NT5E: variants seen among roughly 807,000 people sequenced by gnomAD.
The protein encoded by NT5E is 5'-nucleotidase ecto.
In NT5E, 53 loss-of-function variants were observed where a neutral mutation model predicts 55.1. The ratio of observed to expected loss-of-function variants is 0.96; its 90% confidence interval spans 0.77 to 1.21. The LOEUF is 1.21. Ranked by LOEUF, NT5E falls within the 50% of genes most tolerant of loss-of-function variation. The pLI, the probability that NT5E is intolerant of heterozygous loss-of-function variation, is 0.00. For synonymous variants in NT5E, 270 were observed against 278.4 expected (o/e 0.97, Z 0.30); for missense variants, 683 against 724.3 (o/e 0.94, Z 0.65).
In NT5E at chr6:85,490,664, C is replaced by T; in HGVS notation, c.1360+7C>T. The T allele has an allele frequency of 1.9e-6, 3 of 1,613,720 alleles. No individual in the cohort carries two copies. Among genetic ancestry groups the T allele is most frequent in the Non-Finnish European group, 2.5e-6 (3 of 1,180,002 alleles). Reference sequence around the variant, plus strand: ...GAGTTCCTGCAGGTGGGCGGTAAGTCACCCATCCTGTAGGGCTGGCCCATC... The same window carrying T: ...GAGTTCCTGCAGGTGGGCGGTAAGTTACCCATCCTGTAGGGCTGGCCCATC... On this transcript the variant is annotated splice_region_variant and intron_variant, in intron 7 of 8. Coordinates refer to ENST00000257770, the MANE Select transcript of NT5E (RefSeq NM_002526.4).
In NT5E at chr6:85,480,291, C is replaced by T. The variant is rs562026820; in HGVS notation, c.752-4944C>T. On this transcript the variant is annotated intron_variant, in intron 3 of 8. Transcript: ENST00000257770. The stretch of plus-strand genomic sequence containing the variant: ...AATCTCTTTAGACTTCCTGGGTCAT[C>T]ACTGAAAGGCCAGAGGCAAGAATTT... 5.3e-5 allele frequency among the ~76,000 whole-genome samples: 8 copies of T among 152,310 alleles called. No homozygotes were observed. In the East Asian group the frequency reaches 1.3e-3, roughly 26 times the overall value.
intron 2 of NT5E, among the ~76,000 whole-genome samples, chr6:85,470,131 C>T (rs1215108577): frequency 1.3e-5 from 2 of 152,140 alleles, no homozygotes; most frequent in African/African-American, 4.8e-5. Context: ...CACAGAGTAC[C>T]AGACATGACT....
chr6:85,462,215 A>C (rs972197759), intron 1 of NT5E, among the ~76,000 whole-genome samples: 1 of 150,950 alleles, frequency 6.6e-6, no homozygotes, highest in Non-Finnish European at 1.5e-5. Flanking sequence ...GGCTCACACA[A>C]CTCCCATCCA....
intron 3 of NT5E, among the ~76,000 whole-genome samples, chr6:85,483,362 A>G (rs767414183): frequency 1.3e-5 from 2 of 152,236 alleles, no homozygotes; most frequent in Non-Finnish European, 2.9e-5. Context: ...CCCCTGAAAT[A>G]AAAACCAGGC....
At chr6:85,454,117 G>A (rs1768944464) in intron 1 of NT5E, among the ~76,000 whole-genome samples, 1 of 152,138 alleles carries the variant, frequency 6.6e-6, no homozygotes, top group Non-Finnish European at 1.5e-5. Flanking sequence ...TCTGCTCCCT[G>A]GCTGATGGGT....
Position 85,494,077 on chromosome 6 carries a change from C to T in NT5E, c.*73C>T. 6.8e-7 allele frequency: 1 copy of T among 1,479,038 alleles called. No individual in the cohort carries two copies. The highest frequency in any genetic ancestry group is 9.4e-7 in the Non-Finnish European group (1 of 1,064,860). The allele number at this position is 1,479,038 out of a possible 1,614,324, so 91.6% of individuals were successfully genotyped here. A position where few individuals can be genotyped will look rare whatever the true frequency, so the allele number is the denominator to read the frequency against. On this transcript the variant is annotated 3_prime_UTR_variant, in exon 9 of 9. Coordinates refer to ENST00000257770, the MANE Select transcript of NT5E (RefSeq NM_002526.4). The stretch of plus-strand genomic sequence containing the variant: ...TGAGATTCAAATCTGCCTTTTAGGA[C>T]CTGGCTTTGTGACAGCAAAAACCAT...
chr6:85,466,942 G>A (rs1769207203), intron 1 of NT5E, 118 bp from the exon 2 acceptor site: 2 of 951,692 alleles, frequency 2.1e-6, no homozygotes, highest in Non-Finnish European at 3.3e-6. Flanking sequence ...TGACCCAGGT[G>A]AGGAGGACAC....
chr6:85,450,182 G>T lies in NT5E; in HGVS notation c.43G>T (p.Ala15Ser). ...AARAPATLLLALGAVLWPAAG... is the reference protein window; with the variant it reads ...AARAPATLLLSLGAVLWPAAG... ...GCGGGCGCCCGCGACGCTACTCCTC[G>T]CCCTGGGCGCGGTGCTGTGGCCTGC... Residue 15 changes from alanine (A) to serine (S), a missense_variant, in exon 1 of 9, where the codon GCC (alanine) becomes TCC (serine). By Grantham distance (99) the Ala-to-Ser change is moderately conservative. Coordinates refer to ENST00000257770, the MANE Select transcript of NT5E (RefSeq NM_002526.4). The surrounding 1 kb of genome is among the most constrained non-coding windows in gnomAD (Gnocchi z 4.0). 1 of 1,605,940 alleles carries T rather than the reference G, an allele frequency of 6.2e-7. No homozygotes were observed. Among genetic ancestry groups the T allele is most frequent in the South Asian group, 1.1e-5 (1 of 89,904 alleles).
intron 3 of NT5E, among the ~76,000 whole-genome samples, chr6:85,474,610 C>G (rs746605285): frequency 6.6e-6 from 1 of 152,164 alleles, no homozygotes; most frequent in Non-Finnish European, 1.5e-5. Context: ...ACTTTTCATA[C>G]TCATCGTTTT....
intron 1 of NT5E, among the ~76,000 whole-genome samples, chr6:85,453,141 A>T (rs1461094945): frequency 2.0e-5 from 3 of 152,052 alleles, no homozygotes; most frequent in Non-Finnish European, 2.9e-5. Flanking sequence ...AGGATGGCAA[A>T]ACTCTCCAGT....
At chr6:85,455,614 C>G (rs972435785) in intron 1 of NT5E, among the ~76,000 whole-genome samples, 1 of 152,096 alleles carries the variant, frequency 6.6e-6, no homozygotes, top group Admixed American at 6.5e-5. Context: ...GTAAGCTGTC[C>G]TAGCAAGTTA....
intron 8 of NT5E, 28 bp downstream of exon 8, chr6:85,492,205 T>C (rs752932090): frequency 3.7e-6 from 6 of 1,609,054 alleles, no homozygotes; most frequent in Non-Finnish European, 5.1e-6. Flanking sequence ...TTCCTTTCTC[T>C]AAAGAACAAC....
At chr6:85,480,963 A>G (rs1031912415) in intron 3 of NT5E, among the ~76,000 whole-genome samples, 1 of 152,100 alleles carries the variant, frequency 6.6e-6, no homozygotes, top group African/African-American at 2.4e-5. Context: ...GTTCCTCTTC[A>G]TTAGCTCCCA....
intron 3 of NT5E, among the ~76,000 whole-genome samples, chr6:85,480,952 G>C (rs1028248174): frequency 1.3e-5 from 2 of 152,110 alleles, no homozygotes; most frequent in Admixed American, 1.3e-4. Flanking sequence ...TCCCAGTTCA[G>C]GTTCCTCTTC....
At chr6:85,473,982 C>T (rs953944383) in intron 3 of NT5E, among the ~76,000 whole-genome samples, 3 of 152,266 alleles carry the variant, frequency 2.0e-5, no homozygotes, top group Admixed American at 1.3e-4. Context: ...CCCTGATAGA[C>T]CTGAAAAGAT....
intron 3 of NT5E, among the ~76,000 whole-genome samples, chr6:85,477,190 A>T (rs1454365366): frequency 6.6e-6 from 1 of 152,108 alleles, no homozygotes; most frequent in Non-Finnish European, 1.5e-5. Context: ...AGCAGGCTTC[A>T]CTTCTCTCCT....
At chr6:85,460,553 C>G (rs888850592) in intron 1 of NT5E, among the ~76,000 whole-genome samples, 9 of 152,154 alleles carry the variant, frequency 5.9e-5, no homozygotes, top group Non-Finnish European at 2.9e-5. Context: ...TACCCACACA[C>G]AATGTGGATG....
intron 3 of NT5E, among the ~76,000 whole-genome samples, chr6:85,471,979 C>G (rs1769319702): frequency 6.6e-6 from 1 of 152,154 alleles, no homozygotes; most frequent in African/African-American, 2.4e-5. Context: ...TCTTCCTACC[C>G]ACTACCTGAC....
chr6:85,487,343 A>T lies in NT5E; in HGVS notation c.958A>T (p.Ile320Leu). ...LNSSIPEDPS[I>L]KADINKWRIK... ...TCTTTTCTTTCTTCTAGATCCAAGCATAAAAGCAGACATTAACAAATGGAG... is the reference window on the plus strand; with the variant it reads ...TCTTTTCTTTCTTCTAGATCCAAGCTTAAAAGCAGACATTAACAAATGGAG... The change falls in exon 5 of 9, where the codon ATA (isoleucine) becomes TTA (leucine). Residue 320 changes from isoleucine (I) to leucine (L), a missense_variant. Ile to Leu is a conservative substitution (Grantham distance 5). Transcript: ENST00000257770. 1 of 1,613,492 alleles carries T rather than the reference A, an allele frequency of 6.2e-7. No individual in the cohort carries two copies. Among genetic ancestry groups the T allele is most frequent in the African/African-American group, 1.3e-5 (1 of 75,046 alleles).
Sources: gnomAD v4.1 joint callset for allele counts (sites outside exome capture counted in the v4.1 genomes callset) on GRCh38, gnomAD v4.1.1 for gene constraint, Gnocchi (gnomAD v3.1) non-coding constraint, MANE v1.5 for transcripts, NCBI Gene and HGNC (gene_info 2026-07-23, HGNC 2026-07-21) for gene names.